UTRN: variants seen among roughly 807,000 people sequenced by gnomAD.
The protein encoded by UTRN is dystrophin-related protein 1.
UTRN carries 283 observed loss-of-function variants against 463.9 expected under a neutral mutation model. The observed-to-expected ratio is 0.61, with a 90% confidence interval of 0.55 to 0.67. UTRN has a LOEUF of 0.67. Ranked by LOEUF, UTRN falls within the 30% of genes least tolerant of loss-of-function variation. The pLI is 0.00. For missense variants in UTRN, 3,922 were observed against 4,084.3 expected (o/e 0.96, Z 1.08); for synonymous variants, 1,442 against 1,431.5 (o/e 1.01, Z -0.17).
intron 58 of UTRN, 25 bp downstream of exon 58, chr6:144,758,014 A>G (rs776704396): frequency 6.3e-7 from 1 of 1,583,190 alleles, no homozygotes; most frequent in South Asian, 1.1e-5. Context: ...ATTCTCCTTT[A>G]TGATACCAAG....
intron 54 of UTRN, among the ~76,000 whole-genome samples, chr6:144,741,947 G>A (rs901952202): frequency 2.0e-5 from 3 of 152,094 alleles, no homozygotes; most frequent in Admixed American, 6.6e-5. Flanking sequence ...CCTCCAAAGC[G>A]TGTTTTGTAT....
chr6:144,522,208 T>C, intron 40 of UTRN, 37 bp downstream of exon 40: 2 of 1,410,954 alleles, frequency 1.4e-6, no homozygotes, highest in Non-Finnish European at 1.9e-6. Context: ...TGGCCACAGT[T>C]AATGTAGAAG....
chr6:144,592,416 G>T (rs2128632368), intron 51 of UTRN, among the ~76,000 whole-genome samples: 1 of 151,986 alleles, frequency 6.6e-6, no homozygotes, highest in East Asian at 1.9e-4. Context: ...CTGTCACCAG[G>T]CTGGAGTGCA....
At chr6:144,810,086 T>A (rs1247717053) in intron 65 of UTRN, among the ~76,000 whole-genome samples, 2 of 152,144 alleles carry the variant, frequency 1.3e-5, no homozygotes, top group Non-Finnish European at 2.9e-5. Flanking sequence ...CTAGGCGAAC[T>A]TAGCAAGGCC....
At chr6:144,610,731 C>T (rs914741669) in intron 51 of UTRN, among the ~76,000 whole-genome samples, 7 of 152,044 alleles carry the variant, frequency 4.6e-5, no homozygotes, top group East Asian at 3.9e-4. Context: ...AAAAATTAGC[C>T]GGGCGTGGTG....
Position 144,313,136 on chromosome 6 carries a change from A to G in UTRN, c.79+21229A>G, listed in dbSNP as rs557498854. On this transcript the variant is annotated intron_variant, in intron 2 of 74. Coordinates refer to ENST00000367545, the MANE Select transcript of UTRN (RefSeq NM_007124.3). Reference sequence around the variant, plus strand: ...TTGATGAGGCTTGCCCCTCAACACTATGTCAAGTTCTAGTCCAAGGAAAGA... The same window carrying G: ...TTGATGAGGCTTGCCCCTCAACACTGTGTCAAGTTCTAGTCCAAGGAAAGA... Among the ~76,000 whole-genome samples the G allele has an allele frequency of 1.5e-4, 23 of 152,314 alleles. No homozygotes were observed. The South Asian group carries it at 4.6e-3, about 30-fold the overall frequency.
intron 49 of UTRN, 107 bp from the exon 50 acceptor site, chr6:144,557,050 A>G: frequency 7.3e-7 from 1 of 1,367,848 alleles, no homozygotes; most frequent in Non-Finnish European, 9.8e-7. Flanking sequence ...TCATCCTGTG[A>G]TATCTGTATC....
At chr6:144,678,739 G>A (rs898455616) in intron 52 of UTRN, among the ~76,000 whole-genome samples, 161 bp downstream of exon 52, 1 of 152,074 alleles carries the variant, frequency 6.6e-6, no homozygotes, top group Non-Finnish European at 1.5e-5. Context: ...GAGTTATATA[G>A]TTCAAGCTCT....
intron 9 of UTRN, among the ~76,000 whole-genome samples, chr6:144,434,164 A>T (rs1786282591): frequency 6.6e-6 from 1 of 152,226 alleles, no homozygotes; most frequent in Admixed American, 6.5e-5. Flanking sequence ...AACACAGCGA[A>T]ACCCCGTCTC....
chr6:144,797,749 T>C (rs1777354089), intron 63 of UTRN, 75 bp from the exon 64 acceptor site: 9 of 1,470,308 alleles, frequency 6.1e-6, no homozygotes, highest in Admixed American at 2.1e-5. Flanking sequence ...TTTCAGAAGA[T>C]TATGAAGCAA....
chr6:144,391,841 C>T (rs1307008074), intron 2 of UTRN, among the ~76,000 whole-genome samples: 1 of 152,218 alleles, frequency 6.6e-6, no homozygotes, highest in African/African-American at 2.4e-5. Flanking sequence ...CAGGGTTTCA[C>T]CTGTTAGCCA....
intron 65 of UTRN, among the ~76,000 whole-genome samples, chr6:144,807,480 T>C (rs1293109949): frequency 6.6e-6 from 1 of 152,132 alleles, no homozygotes; most frequent in Non-Finnish European, 1.5e-5. Flanking sequence ...TTCCCCCTAC[T>C]ATTCTATAAT....
intron 61 of UTRN, among the ~76,000 whole-genome samples, chr6:144,783,272 C>T (rs1421783423): frequency 6.6e-6 from 1 of 151,736 alleles, no homozygotes; most frequent in Non-Finnish European, 1.5e-5. Context: ...TATTAATTAG[C>T]TACATGAAAA....
chr6:144,716,379 T>C (rs1376602683), intron 53 of UTRN, among the ~76,000 whole-genome samples: 2 of 152,154 alleles, frequency 1.3e-5, no homozygotes, highest in Non-Finnish European at 2.9e-5. Flanking sequence ...CTTAAACATG[T>C]GGAGTCTCTC....
chr6:144,376,238 C>T (rs530748444), intron 2 of UTRN, among the ~76,000 whole-genome samples: 6 of 152,094 alleles, frequency 3.9e-5, no homozygotes, highest in South Asian at 2.1e-4. Flanking sequence ...GGGTAGATCA[C>T]GAGGTCAGGA....
chr6:144,793,625 T>C (rs2128743968), intron 62 of UTRN, among the ~76,000 whole-genome samples: 1 of 152,362 alleles, frequency 6.6e-6, no homozygotes, highest in Non-Finnish European at 1.5e-5. Context: ...GTTAACTACA[T>C]GCTTCTTAAA....
intron 33 of UTRN, among the ~76,000 whole-genome samples, chr6:144,493,781 C>A (rs1001488098): frequency 6.6e-6 from 1 of 151,896 alleles, no homozygotes; most frequent in Admixed American, 6.6e-5. Flanking sequence ...CCAGCCTGGG[C>A]AACATGATGA....
chr6:144,551,876 T>A (rs1426600602), intron 48 of UTRN, among the ~76,000 whole-genome samples: 5 of 152,224 alleles, frequency 3.3e-5, no homozygotes, highest in African/African-American at 4.8e-5. Context: ...CTTGGCCTTT[T>A]CTTCCCAGGT....
intron 9 of UTRN, among the ~76,000 whole-genome samples, chr6:144,433,429 G>A (rs1486115006): frequency 6.6e-6 from 1 of 151,706 alleles, no homozygotes; most frequent in African/African-American, 2.4e-5. Flanking sequence ...TCCCAGACGG[G>A]GTGGCTGCCG....
Sources: allele counts gnomAD v4.1 joint callset (sites outside exome capture counted in the v4.1 genomes callset), GRCh38; gene constraint gnomAD v4.1.1; transcripts MANE v1.5; gene names NCBI Gene and HGNC (gene_info 2026-07-23, HGNC 2026-07-21).